ARFGAP3: variants seen among roughly 807,000 people sequenced by gnomAD.
ARFGAP3 encodes ADP-ribosylation factor GTPase-activating protein 3.
A neutral mutation model predicts 75.0 loss-of-function variants in ARFGAP3; 72 were observed. That is an observed-to-expected ratio of 0.96 (90% CI 0.79 to 1.17). ARFGAP3 has a LOEUF of 1.17. ARFGAP3 is among the 50% of genes most tolerant of loss of function. The pLI, the probability that ARFGAP3 is intolerant of heterozygous loss-of-function variation, is 0.00. For missense variants in ARFGAP3, 620 were observed against 626.6 expected, an observed-to-expected ratio of 0.99 and a Z score of 0.11; for synonymous variants, 221 against 217.9, an observed-to-expected ratio of 1.01 and a Z score of -0.13.
chr22:42,829,133 A>G (rs939373637), intron 6 of ARFGAP3, among the ~76,000 whole-genome samples: 16 of 152,186 alleles, frequency 1.1e-4, no homozygotes, highest in African/African-American at 3.9e-4. Context: ...ATAACGGTAA[A>G]TCAATCAATG....
At chr22:42,835,829 C>T (rs1926497490) in intron 3 of ARFGAP3, among the ~76,000 whole-genome samples, 1 of 152,038 alleles carries the variant, frequency 6.6e-6, no homozygotes, top group South Asian at 2.1e-4. Flanking sequence ...AAAACAACAA[C>T]AACAACAAAA....
intron 3 of ARFGAP3, among the ~76,000 whole-genome samples, chr22:42,837,697 T>TTTTTTG (rs1926590342): frequency 7.1e-6 from 1 of 141,194 alleles, no homozygotes; most frequent in Non-Finnish European, 1.5e-5. Context: ...TTTTTTTTTT[T>TTTTTTG]GAGACGGTCT....
intron 14 of ARFGAP3, among the ~76,000 whole-genome samples, chr22:42,805,550 A>G (rs977980379): frequency 6.6e-6 from 1 of 152,228 alleles, no homozygotes; most frequent in Non-Finnish European, 1.5e-5. Context: ...TGCCCTGACA[A>G]CAGGCCAGGA....
intron 15 of ARFGAP3, among the ~76,000 whole-genome samples, chr22:42,798,754 A>G (rs1239146146): frequency 6.6e-6 from 1 of 152,260 alleles, no homozygotes; most frequent in Non-Finnish European, 1.5e-5. Context: ...CATTACAGAT[A>G]ATTTCAGTTT....
chr22:42,797,676 T>A, intron 15 of ARFGAP3, 71 bp from the exon 16 acceptor site: 1 of 1,613,652 alleles, frequency 6.2e-7, no homozygotes, highest in Non-Finnish European at 8.5e-7. Flanking sequence ...CCCTGAATAT[T>A]CAGCATCACC....
At chr22:42,843,776 A>C (rs1926886991) in intron 2 of ARFGAP3, among the ~76,000 whole-genome samples, 1 of 152,186 alleles carries the variant, frequency 6.6e-6, no homozygotes, top group African/African-American at 2.4e-5. Flanking sequence ...CGTAACGGCA[A>C]ACTTGAGAAA....
At position 42,835,984 on chromosome 22, in the gene ARFGAP3, T is replaced by C. The variant is rs796214884; in HGVS notation, c.262-491A>G. On this transcript the variant is annotated intron_variant, in intron 3 of 15. Transcript: ENST00000263245. The stretch of plus-strand genomic sequence containing the variant: ...TCACGAGCAATCCATTTCTTTCTTT[T>C]TTTTTTTTTTTTTTTTTTGAGAGAG... Among the ~76,000 whole-genome samples the C allele has an allele frequency of 5.5e-3, 282 of 51,742 alleles. 1 individual carries two copies. Among genetic ancestry groups the C allele is most frequent in the Admixed American group, 0.025 (132 of 5,334 alleles). The allele number at this position is 51,742 out of a possible 152,430, so 33.9% of individuals were successfully genotyped here.
At chr22:42,823,626 AT>A (rs1267303716) in intron 8 of ARFGAP3, 29 bp downstream of exon 8, 1 of 1,464,036 alleles carries the variant, frequency 6.8e-7, no homozygotes, top group East Asian at 2.4e-5. Flanking sequence ...TAACTACCAG[AT>A]TTTTATATAT....
intron 7 of ARFGAP3, among the ~76,000 whole-genome samples, chr22:42,826,736 T>C (rs1231001035): frequency 1.3e-5 from 2 of 152,164 alleles, no homozygotes; most frequent in Non-Finnish European, 2.9e-5. Context: ...CTGGTTAAAA[T>C]GTAGCATCTT....
chr22:42,817,624 A>C, intron 10 of ARFGAP3, 105 bp downstream of exon 10: 2 of 880,622 alleles, frequency 2.3e-6, no homozygotes, highest in Non-Finnish European at 3.4e-6. Context: ...TTAATGAATA[A>C]CAAAAAAAAA....
At chr22:42,803,306 G>T (rs1334359415) in intron 14 of ARFGAP3, among the ~76,000 whole-genome samples, 1 of 152,184 alleles carries the variant, frequency 6.6e-6, no homozygotes, top group Non-Finnish European at 1.5e-5. Flanking sequence ...GATGCAGACT[G>T]AGGGCAGTGC....
At chr22:42,840,705 A>C (rs1275212148) in intron 3 of ARFGAP3, among the ~76,000 whole-genome samples, 1 of 152,084 alleles carries the variant, frequency 6.6e-6, no homozygotes, top group Non-Finnish European at 1.5e-5. Context: ...TTGGGATTAC[A>C]GGCGTGAGAC....
At chr22:42,831,033 C>T (rs1365684862) in intron 6 of ARFGAP3, among the ~76,000 whole-genome samples, 2 of 150,784 alleles carry the variant, frequency 1.3e-5, no homozygotes, top group Non-Finnish European at 3.0e-5. Context: ...GGTGTGGTGG[C>T]TCACGCCTGT....
At chr22:42,829,652 A>C (rs969368936) in intron 6 of ARFGAP3, among the ~76,000 whole-genome samples, 1 of 152,274 alleles carries the variant, frequency 6.6e-6, no homozygotes, top group Non-Finnish European at 1.5e-5. Context: ...AATTGCAAAT[A>C]TAAGTTTATC....
chr22:42,817,805 C>A lies in ARFGAP3; in HGVS notation c.865G>T (p.Asp289Tyr). 1 of 1,613,396 alleles carries A rather than the reference C, an allele frequency of 6.2e-7. No individual in the cohort carries two copies. Among genetic ancestry groups the A allele is most frequent in the Non-Finnish European group, 8.5e-7 (1 of 1,179,750 alleles). ...YKDLEIQMKK[D>Y]EKMNISGKKN... ...TTGCCACTAATGTTCATCTTTTCGT[C>A]TTTCTTCATTTGAATTTCAAGATCC... The change falls in exon 10 of 16, where the codon GAC becomes TAC. Residue 289 changes from aspartate (D) to tyrosine (Y), a missense_variant. Transcript: ENST00000263245.
At chr22:42,828,309 G>A (rs112278963) in intron 6 of ARFGAP3, among the ~76,000 whole-genome samples, 7,245 of 140,318 alleles carry the variant, frequency 0.052, 281 homozygotes, top group African/African-American at 0.12. Context: ...CTGTAATCCC[G>A]GCACTTTGGG....
At chr22:42,829,672 CACTTT>C (rs1400794139) in intron 6 of ARFGAP3, among the ~76,000 whole-genome samples, 5 of 152,170 alleles carry the variant, frequency 3.3e-5, no homozygotes, top group African/African-American at 7.2e-5. Flanking sequence ...CATTTGTCTT[CACTTT>C]AAAGTATTTT....
chr22:42,800,565 C>T (rs1924811816), intron 14 of ARFGAP3, among the ~76,000 whole-genome samples: 1 of 152,136 alleles, frequency 6.6e-6, no homozygotes, highest in African/African-American at 2.4e-5. Flanking sequence ...TCAAGTCCCT[C>T]TCTGAGAATA....
At chr22:42,850,531 C>T (rs1399087475) in intron 1 of ARFGAP3, among the ~76,000 whole-genome samples, 1 of 140,256 alleles carries the variant, frequency 7.1e-6, no homozygotes. Context: ...GGAGACCACT[C>T]CACTGCACTC....
Sources: allele counts gnomAD v4.1 joint callset (sites outside exome capture counted in the v4.1 genomes callset), GRCh38; gene constraint gnomAD v4.1.1; transcripts MANE v1.5; gene names NCBI Gene and HGNC (gene_info 2026-07-23, HGNC 2026-07-21).